Variants in HNF4G observed in about 807,000 individuals in gnomAD.
HNF4G encodes hepatocyte nuclear factor 4 gamma.
Under a neutral mutation model 50.9 loss-of-function variants are expected in HNF4G, and 21 were observed. The observed-to-expected ratio is 0.41, with a 90% CI of 0.29 to 0.59. The LOEUF (loss-of-function observed/expected upper bound fraction) is 0.59, where lower values mean the gene tolerates loss of function less well. Ranked by LOEUF, HNF4G falls within the 20% of genes least tolerant of loss-of-function variation. HNF4G has a pLI of 0.26. For missense variants in HNF4G, 527 were observed against 559.4 expected (o/e 0.94, Z 0.58); for synonymous variants, 198 against 185.6 (o/e 1.07, Z -0.54).
At position 75,565,658 on chromosome 8, in the gene HNF4G, A is replaced by T. The variant is rs1807443193; in HGVS notation, c.*1562A>T. 1 of 152,010 alleles carries T rather than the reference A, an allele frequency of 6.6e-6. No homozygotes were observed. The highest frequency in any genetic ancestry group is 1.5e-5 in the Non-Finnish European group (1 of 67,992). The allele number at this position is 152,010 out of a possible 1,614,324, so 9.4% of individuals were successfully genotyped here. Reference sequence around the variant, plus strand: ...AAAACTGGTCGAGTAATTATCAATAATTTTTTTTAAAAAGAGGATCCCAAA... The same window carrying T: ...AAAACTGGTCGAGTAATTATCAATATTTTTTTTTAAAAAGAGGATCCCAAA... On this transcript the variant is annotated 3_prime_UTR_variant, in exon 10 of 10. Transcript: ENST00000396423.
chr8:75,436,281 A>G (rs1811134194), intron 1 of HNF4G, among the ~76,000 whole-genome samples: 1 of 152,238 alleles, frequency 6.6e-6, no homozygotes, highest in Non-Finnish European at 1.5e-5. Context: ...ATGAAAACTG[A>G]CTAGCTCATC....
intron 1 of HNF4G, among the ~76,000 whole-genome samples, chr8:75,463,886 T>C (rs1475884454): frequency 6.6e-6 from 1 of 151,702 alleles, no homozygotes; most frequent in African/African-American, 2.4e-5. Flanking sequence ...GTGATTCTCC[T>C]GCCTCAGCCT....
intron 2 of HNF4G, among the ~76,000 whole-genome samples, chr8:75,523,745 AC>A (rs1806108025): frequency 6.6e-6 from 1 of 151,934 alleles, no homozygotes; most frequent in African/African-American, 2.4e-5. Flanking sequence ...ATTTTATAAT[AC>A]TAAATAGAGT....
intron 1 of HNF4G, among the ~76,000 whole-genome samples, chr8:75,438,405 A>G (rs561561815): frequency 1.3e-5 from 2 of 152,260 alleles, no homozygotes; most frequent in South Asian, 4.2e-4. Context: ...AAAACCTAAA[A>G]CAAGTTCTGG....
At chr8:75,507,242 A>G (rs927022984) in intron 2 of HNF4G, among the ~76,000 whole-genome samples, 5 of 151,288 alleles carry the variant, frequency 3.3e-5, no homozygotes, top group Non-Finnish European at 5.9e-5. Context: ...TGAAGAGGAA[A>G]CTACTGACTT....
At chr8:75,481,051 T>G (rs1165144403) in intron 1 of HNF4G, among the ~76,000 whole-genome samples, 1 of 152,110 alleles carries the variant, frequency 6.6e-6, no homozygotes, top group Non-Finnish European at 1.5e-5. Flanking sequence ...TGGAATTAGA[T>G]CACTGGTTTT....
At chr8:75,492,927 A>G (rs1050799947) in intron 2 of HNF4G, among the ~76,000 whole-genome samples, 3 of 152,142 alleles carry the variant, frequency 2.0e-5, no homozygotes, top group Non-Finnish European at 4.4e-5. Context: ...TCTGAACAAT[A>G]AGATTGGTTT....
At chr8:75,536,655 A>G (rs893071838), upstream of HNF4G, among the ~76,000 whole-genome samples, 1 of 152,090 alleles carries the variant, frequency 6.6e-6, no homozygotes, top group African/African-American at 2.4e-5. Flanking sequence ...TTAATTTAAT[A>G]ATTTCATTTT....
intron 3 of HNF4G, among the ~76,000 whole-genome samples, chr8:75,550,501 C>T (rs187132048): frequency 8.6e-5 from 13 of 151,932 alleles, no homozygotes; most frequent in Admixed American, 3.3e-4. Context: ...TTAGTAGAGA[C>T]GAGGTTTCAC....
intron 1 of HNF4G, among the ~76,000 whole-genome samples, chr8:75,450,167 T>C (rs932239304): frequency 9.8e-5 from 15 of 152,290 alleles, no homozygotes; most frequent in Admixed American, 3.3e-4. Flanking sequence ...TTCACCCATG[T>C]TGTTGGAAAT....
Position 75,547,618 on chromosome 8 carries a change from A to C in HNF4G, c.319A>C (p.Lys107Gln). The C allele has an allele frequency of 6.2e-7, 1 of 1,612,278 alleles. No homozygotes were observed. The highest frequency in any genetic ancestry group is 8.5e-7 in the Non-Finnish European group (1 of 1,178,442). ...FSRQCVVDKD[K>Q]RNQCRYCRLR... The stretch of plus-strand genomic sequence containing the variant: ...TCGGCAATGTGTTGTTGACAAGGAC[A>C]AAAGGAATCAATGTAGATATTGTCG... The change falls in exon 3 of 10, where the codon AAA becomes CAA. Residue 107 changes from lysine (K) to glutamine (Q), a missense_variant. By Grantham distance (53) the Lys-to-Gln change is moderately conservative (BLOSUM62 1). Coordinates refer to ENST00000396423, the MANE Select transcript of HNF4G (RefSeq NM_004133.5).
intron 1 of HNF4G, among the ~76,000 whole-genome samples, chr8:75,461,395 C>A (rs1811837186): frequency 6.6e-6 from 1 of 152,170 alleles, no homozygotes; most frequent in Admixed American, 6.5e-5. Flanking sequence ...TCTGCTATTA[C>A]ATCTCCTTTT....
At chr8:75,544,427 A>T in intron 2 of HNF4G, among the ~76,000 whole-genome samples, 1 of 152,110 alleles carries the variant, frequency 6.6e-6, no homozygotes, top group East Asian at 1.9e-4. Context: ...CTTCATGTTT[A>T]TTTTTTAAGT....
intron 1 of HNF4G, among the ~76,000 whole-genome samples, chr8:75,440,892 A>G (rs1811263947): frequency 6.6e-6 from 1 of 151,984 alleles, no homozygotes; most frequent in Non-Finnish European, 1.5e-5. Context: ...GGATCTTGCT[A>G]TATTGCCCAG....
intron 5 of HNF4G, among the ~76,000 whole-genome samples, chr8:75,554,243 C>A (rs1177498516): frequency 3.9e-5 from 6 of 152,056 alleles, no homozygotes; most frequent in Non-Finnish European, 1.5e-5. Context: ...ACCAGTCTCA[C>A]CCCAAGCAAT....
At chr8:75,448,391 G>C (rs1233824344) in intron 1 of HNF4G, among the ~76,000 whole-genome samples, 1 of 131,894 alleles carries the variant, frequency 7.6e-6, no homozygotes, top group Non-Finnish European at 1.5e-5. Flanking sequence ...TAACTAACCT[G>C]CACAATGTGC....
chr8:75,441,399 C>T (rs917596822), intron 1 of HNF4G, among the ~76,000 whole-genome samples: 15 of 151,994 alleles, frequency 9.9e-5, no homozygotes, highest in Non-Finnish European at 2.2e-4. Context: ...GTGTGCGCCA[C>T]CACACCCGGC....
At chr8:75,546,095 T>G in intron 2 of HNF4G, among the ~76,000 whole-genome samples, 1 of 152,156 alleles carries the variant, frequency 6.6e-6, no homozygotes, top group East Asian at 1.9e-4. Context: ...ACAAAATATA[T>G]GTCTTTATTC....
chr8:75,483,720 C>T lies in HNF4G; in HGVS notation c.-143-6369C>T, dbSNP rs1396984235. ...TCTCTTAAAACTGAGAGAAATTATTCATTTAAATAGGATGTATATAATACT... is the reference window on the plus strand; with the variant it reads ...TCTCTTAAAACTGAGAGAAATTATTTATTTAAATAGGATGTATATAATACT... On this transcript the variant is annotated intron_variant, in intron 1 of 10. Coordinates refer to the HNF4G transcript ENST00000354370. Among the ~76,000 whole-genome samples the T allele has an allele frequency of 2.0e-5, 3 of 152,118 alleles. No individual in the cohort carries two copies. The East Asian group carries it at 5.8e-4, about 29-fold the overall frequency.
Sources: gnomAD v4.1 joint callset for allele counts (sites outside exome capture counted in the v4.1 genomes callset) on GRCh38, gnomAD v4.1.1 for gene constraint, MANE v1.5 for transcripts, NCBI Gene and HGNC (gene_info 2026-07-23, HGNC 2026-07-21) for gene names.